Variants in ACSS3 observed in about 807,000 individuals in gnomAD.
ACSS3 encodes the protein acyl-CoA synthetase short-chain family member 3, mitochondrial.
A neutral mutation model predicts 84.2 loss-of-function variants in ACSS3; 64 were observed. The observed-to-expected ratio is 0.76, with a 90% confidence interval of 0.62 to 0.94. The LOEUF is 0.94. ACSS3 is among the 40% of genes least tolerant of loss of function. The pLI is 0.00. For missense variants in ACSS3, 815 were observed against 867.6 expected (o/e 0.94, Z 0.76); for synonymous variants, 317 against 310.1 (o/e 1.02, Z -0.23).
intron 1 of ACSS3, among the ~76,000 whole-genome samples, chr12:81,099,509 G>A (rs961299679): frequency 5.3e-5 from 8 of 152,130 alleles, no homozygotes. Context: ...TACAAAGTGC[G>A]ATATGGCACT....
Position 81,107,503 on chromosome 12 carries a change from AATATATACATATATATATATATAT to A in ACSS3, c.312-2049_312-2026del, listed in dbSNP as rs1241968829. On this transcript the variant is annotated intron_variant, in intron 1 of 15. Coordinates refer to ENST00000548058, the MANE Select transcript of ACSS3 (RefSeq NM_024560.4). ...AGAAATGTTTTTTTTTTCAGGTACA[AATATATACATATATATATATATAT>A]ATATATATATATATATATATATATA... 1.6e-3 allele frequency among the ~76,000 whole-genome samples: 93 copies of A among 59,574 alleles called. 3 individuals carry two copies. The highest frequency in any genetic ancestry group is 2.6e-3 in the Admixed American group (12 of 4,632). The allele number at this position is 59,574 out of a possible 152,430, so 39.1% of individuals were successfully genotyped here.
rs1174376258 is a variant in ACSS3 at position 81,258,822 on chromosome 12, T to G, written c.*3900T>G. ...AGTACTGGCTGGCATTTCAAGATAT[T>G]TGAATGAACATGTGGTTCTTAGTAA... On this transcript the variant is annotated 3_prime_UTR_variant, in exon 16 of 16. Coordinates refer to ENST00000548058, the MANE Select transcript of ACSS3 (RefSeq NM_024560.4). The G allele has an allele frequency of 6.6e-6, 1 of 152,166 alleles. No individual in the cohort carries two copies. Among genetic ancestry groups the G allele is most frequent in the African/African-American group, 2.4e-5 (1 of 41,436 alleles). The allele number at this position is 152,166 out of a possible 1,614,324, so 9.4% of individuals were successfully genotyped here. A position where few individuals can be genotyped will look rare whatever the true frequency, so the allele number is the denominator to read the frequency against.
chr12:81,141,587 C>T (rs568965338), intron 4 of ACSS3, among the ~76,000 whole-genome samples: 5 of 152,224 alleles, frequency 3.3e-5, no homozygotes, highest in Admixed American at 2.6e-4. Flanking sequence ...ATCTCCTTTG[C>T]ACATACCTCT....
At position 81,258,279 on chromosome 12, in the gene ACSS3, T is replaced by A. The variant is rs531669023; in HGVS notation, c.*3357T>A. 5 of 152,184 alleles carry A rather than the reference T, an allele frequency of 3.3e-5. No individual in the cohort carries two copies. Among genetic ancestry groups the A allele is most frequent in the Admixed American group, 1.3e-4 (2 of 15,266 alleles). The allele number at this position is 152,184 out of a possible 1,614,324, so 9.4% of individuals were successfully genotyped here. ...TAAACAGAGAACTGGAATTATTATT[T>A]TTTTTATTGACAATGGAAAGGGTTT... On this transcript the variant is annotated 3_prime_UTR_variant, in exon 16 of 16. Coordinates refer to ENST00000548058, the MANE Select transcript of ACSS3 (RefSeq NM_024560.4).
At chr12:81,155,681 A>G (rs1203188127) in intron 7 of ACSS3, among the ~76,000 whole-genome samples, 1 of 152,110 alleles carries the variant, frequency 6.6e-6, no homozygotes, top group Non-Finnish European at 1.5e-5. Flanking sequence ...TCTTTTTTCC[A>G]TGCCTCTTGA....
chr12:81,216,875 G>T lies in ACSS3; in HGVS notation c.1355-26G>T, dbSNP rs1348097087. ...TTATGATTCCAAGTTAAAACATGAA[G>T]TGATAAATAACATTTCTTTTTCCAG... On this transcript the variant is annotated intron_variant, in intron 9 of 15. Coordinates refer to ENST00000548058, the MANE Select transcript of ACSS3 (RefSeq NM_024560.4). The T allele has an allele frequency of 3.8e-6, 6 of 1,572,260 alleles. No homozygotes were observed. The South Asian group carries it at 5.5e-5, about 15-fold the overall frequency.
chr12:81,176,605 A>G (rs2030495906), intron 8 of ACSS3, among the ~76,000 whole-genome samples: 1 of 151,966 alleles, frequency 6.6e-6, no homozygotes, highest in Non-Finnish European at 1.5e-5. Flanking sequence ...AAAATAAAAA[A>G]AAAATTGAGC....
chr12:81,156,054 C>A (rs1886846942), intron 7 of ACSS3, among the ~76,000 whole-genome samples: 1 of 152,072 alleles, frequency 6.6e-6, no homozygotes, highest in Non-Finnish European at 1.5e-5. Flanking sequence ...CATGCAAAGT[C>A]TATTTTAAGA....
intron 2 of ACSS3, among the ~76,000 whole-genome samples, chr12:81,131,163 G>A (rs1170845785): frequency 6.6e-6 from 1 of 152,174 alleles, no homozygotes; most frequent in Non-Finnish European, 1.5e-5. Context: ...ATTCTGTGAA[G>A]AGAGTCATTG....
chr12:81,257,454 T>C lies in ACSS3; in HGVS notation c.*2532T>C, dbSNP rs1479866348. ...ATCTTTAAAAACAACAATATAATATTACTAAAAAATGCAGACATACTTAAA... is the reference window on the plus strand; with the variant it reads ...ATCTTTAAAAACAACAATATAATATCACTAAAAAATGCAGACATACTTAAA... On this transcript the variant is annotated 3_prime_UTR_variant, in exon 16 of 16. Transcript: ENST00000548058. 6.6e-6 allele frequency: 1 copy of C among 152,132 alleles called. No homozygotes were observed. Among genetic ancestry groups the C allele is most frequent in the African/African-American group, 2.4e-5 (1 of 41,438 alleles). The allele number at this position is 152,132 out of a possible 1,614,324, so 9.4% of individuals were successfully genotyped here.
intron 7 of ACSS3, among the ~76,000 whole-genome samples, chr12:81,173,751 T>C (rs559185764): frequency 1.3e-5 from 2 of 152,284 alleles, no homozygotes; most frequent in Admixed American, 6.5e-5. Flanking sequence ...TTCCTACATG[T>C]CATTTACAGA....
intron 2 of ACSS3, 27 bp downstream of exon 2, chr12:81,109,731 T>C: frequency 6.7e-7 from 1 of 1,499,764 alleles, no homozygotes; most frequent in Non-Finnish European, 9.0e-7. Flanking sequence ...TATATATGTA[T>C]ATATGAATTC....
intron 1 of ACSS3, among the ~76,000 whole-genome samples, chr12:81,094,184 C>CTCTG (rs139182584): frequency 7.4e-4 from 108 of 146,760 alleles, no homozygotes; most frequent in Middle Eastern, 3.4e-3. Context: ...GTCTCTCTCT[C>CTCTG]TGTGTGTGTG....
intron 5 of ACSS3, among the ~76,000 whole-genome samples, chr12:81,150,186 G>A (rs1886540982): frequency 6.6e-6 from 1 of 152,092 alleles, no homozygotes; most frequent in African/African-American, 2.4e-5. Context: ...TTTTAATAAT[G>A]TTTAGAGTTA....
chr12:81,104,912 G>A (rs1257472505), intron 1 of ACSS3: 1 of 152,038 alleles, frequency 6.6e-6, no homozygotes, highest in African/African-American at 2.4e-5. Context: ...TACAAGTACA[G>A]CTTTGTGACA....
rs2030714783 is a variant in ACSS3 at position 81,179,113 on chromosome 12, C to T, written c.1250+4174C>T. 2.0e-5 allele frequency among the ~76,000 whole-genome samples: 3 copies of T among 151,700 alleles called. No individual in the cohort carries two copies. The South Asian group carries it at 6.3e-4, about 32-fold the overall frequency. On this transcript the variant is annotated intron_variant, in intron 8 of 15. Transcript: ENST00000548058. ...CATATGCGTAAGGTTAAAACCAGAC[C>T]CCTTCCTTTCACCACATACAAAAAT...
chr12:81,140,498 T>C (rs1886040332), intron 4 of ACSS3, among the ~76,000 whole-genome samples: 1 of 152,292 alleles, frequency 6.6e-6, no homozygotes, highest in Non-Finnish European at 1.5e-5. Flanking sequence ...AATGACAAGA[T>C]ATGAGAACAG....
At chr12:81,201,889 TGGCTAACA>T (rs2032127610) in intron 9 of ACSS3, among the ~76,000 whole-genome samples, 1 of 152,170 alleles carries the variant, frequency 6.6e-6, no homozygotes, top group African/African-American at 2.4e-5. Context: ...ATGCAGAGGT[TGGCTAACA>T]GGACACTAGT....
rs1242570080 is a variant in ACSS3 at position 81,113,801 on chromosome 12, A to T, written c.456+4097A>T. On this transcript the variant is annotated intron_variant, in intron 2 of 15. Coordinates refer to ENST00000548058, the MANE Select transcript of ACSS3 (RefSeq NM_024560.4). The stretch of plus-strand genomic sequence containing the variant: ...TTTACATTCAGCTTGGTAGTTCAAG[A>T]TGAATATATCCTCCTTGGATTTCCC... Among the ~76,000 whole-genome samples, 3 of 152,240 alleles carry T rather than the reference A, an allele frequency of 2.0e-5. No homozygotes were observed. In the East Asian group the frequency reaches 5.8e-4, roughly 29 times the overall value.
Sources: allele counts gnomAD v4.1 joint callset (sites outside exome capture counted in the v4.1 genomes callset), GRCh38; gene constraint gnomAD v4.1.1; transcripts MANE v1.5; gene names NCBI Gene and HGNC (gene_info 2026-07-23, HGNC 2026-07-21).